VWA8: variants seen among roughly 807,000 people sequenced by gnomAD.
VWA8 encodes the protein von Willebrand factor A domain-containing protein 8.
In VWA8, 221 loss-of-function variants were observed where a neutral mutation model predicts 241.5. The observed-to-expected ratio is 0.91, with a 90% CI of 0.82 to 1.02. The LOEUF (loss-of-function observed/expected upper bound fraction) is 1.02, where lower values mean the gene tolerates loss of function less well. Ranked by LOEUF, VWA8 falls within the 50% of genes least tolerant of loss-of-function variation. The pLI is 0.00. For synonymous variants in VWA8, 852 were observed against 827.1 expected (o/e 1.03, Z -0.52); for missense variants, 2,322 against 2,328.7 (o/e 1.00, Z 0.06).
In VWA8 at chr13:41,614,975, C is replaced by A; in HGVS notation, c.4720+1G>T. 1 of 1,612,926 alleles carries A rather than the reference C, an allele frequency of 6.2e-7. No individual in the cohort carries two copies. The highest frequency in any genetic ancestry group is 8.5e-7 in the Non-Finnish European group (1 of 1,179,910). On this transcript the variant is annotated splice_donor_variant, in intron 38 of 44. Coordinates refer to ENST00000379310, the MANE Select transcript of VWA8 (RefSeq NM_015058.2). LOFTEE classifies it high-confidence loss of function. ...CTCAGGAGAATGCCTGTGCTACCAA[C>A]CTGTTCCGCCAGCCCAAGTGTTGCC...
In VWA8 at chr13:41,883,382, C is replaced by G. The variant is rs1312374131; in HGVS notation, c.1080+5G>C. 2 of 1,602,872 alleles carry G rather than the reference C, an allele frequency of 1.2e-6. No individual in the cohort carries two copies. Among genetic ancestry groups the G allele is most frequent in the Admixed American group, 1.7e-5 (1 of 59,872 alleles). On this transcript the variant is annotated splice_donor_5th_base_variant and intron_variant, in intron 9 of 44. Transcript: ENST00000379310. ...GAAAGGAAAGAAAGGGAAGCAGACA[C>G]TCACCTTTAAAACACCTTCCACAGC...
At chr13:41,923,923 G>C (rs1876692210) in intron 2 of VWA8, among the ~76,000 whole-genome samples, 1 of 152,090 alleles carries the variant, frequency 6.6e-6, no homozygotes, top group South Asian at 2.1e-4. Flanking sequence ...TGTAAAGTTT[G>C]GAAGAGGTGA....
intron 35 of VWA8, among the ~76,000 whole-genome samples, chr13:41,681,905 G>C (rs2045102280): frequency 6.6e-6 from 1 of 152,150 alleles, no homozygotes; most frequent in African/African-American, 2.4e-5. Context: ...GAAGAATTTT[G>C]TAAATTCAAA....
At chr13:41,573,463 T>G (rs1392646291) in intron 43 of VWA8, among the ~76,000 whole-genome samples, 1 of 113,778 alleles carries the variant, frequency 8.8e-6, no homozygotes, top group African/African-American at 4.3e-5. Flanking sequence ...CACAACAGGG[T>G]GGCTATAGTT....
intron 40 of VWA8, among the ~76,000 whole-genome samples, chr13:41,597,718 C>T (rs1476955979): frequency 6.6e-6 from 1 of 151,654 alleles, no homozygotes; most frequent in African/African-American, 2.4e-5. Context: ...ACATAACAGG[C>T]ATCTTATACT....
Position 41,570,964 on chromosome 13 carries a change from A to G in VWA8, c.5371-258T>C, listed in dbSNP as rs541265805. 3.5e-4 allele frequency among the ~76,000 whole-genome samples: 54 copies of G among 152,334 alleles called. 1 individual carries two copies. In the South Asian group the frequency reaches 0.011, roughly 31 times the overall value. ...CAGTGGGCACTTAGTTTTAAGTGGA[A>G]GCTTGCACTTCCACTTAAAGTGAGA... On this transcript the variant is annotated intron_variant, in intron 43 of 44. Transcript: ENST00000379310.
chr13:41,615,158 T>A, intron 37 of VWA8, 74 bp from the exon 38 acceptor site: 1 of 1,463,058 alleles, frequency 6.8e-7, no homozygotes, highest in Non-Finnish European at 9.4e-7. Context: ...AAAAAAAAAT[T>A]ATTTTCTCCT....
At position 41,577,749 on chromosome 13, in the gene VWA8, C is replaced by T. The variant is rs959959337; in HGVS notation, c.5272-1911G>A. 3.3e-5 allele frequency among the ~76,000 whole-genome samples: 5 copies of T among 152,300 alleles called. No homozygotes were observed. In the South Asian group the frequency reaches 6.2e-4, roughly 19 times the overall value. Reference sequence around the variant, plus strand: ...AGGGAATAAGATCAGTTCCCTGACACGGAACTAGGTTTCTTATATTGGGCT... The same window carrying T: ...AGGGAATAAGATCAGTTCCCTGACATGGAACTAGGTTTCTTATATTGGGCT... On this transcript the variant is annotated intron_variant, in intron 42 of 44. Coordinates refer to ENST00000379310, the MANE Select transcript of VWA8 (RefSeq NM_015058.2).
chr13:41,728,272 G>A (rs973753101), intron 23 of VWA8, among the ~76,000 whole-genome samples: 6 of 152,024 alleles, frequency 3.9e-5, no homozygotes, highest in African/African-American at 1.4e-4. Flanking sequence ...ACAAGGGTAT[G>A]TGGCTACAGG....
chr13:41,898,902 C>G (rs1049595376), intron 4 of VWA8, among the ~76,000 whole-genome samples: 2 of 80 alleles, frequency 0.025, no homozygotes, highest in East Asian at 0.5. Flanking sequence ...CACGCCCACC[C>G]GGAACTCCAA....
chr13:41,663,871 G>A (rs1190064333), intron 37 of VWA8, among the ~76,000 whole-genome samples: 3 of 151,570 alleles, frequency 2.0e-5, no homozygotes, highest in African/African-American at 7.2e-5. Context: ...GTCGGGGACT[G>A]TCTGTATAGT....
At chr13:41,696,185 A>G (rs1246323007) in intron 29 of VWA8, 2 of 152,236 alleles carry the variant, frequency 1.3e-5, no homozygotes, top group Non-Finnish European at 2.9e-5. Context: ...TTTATAAACA[A>G]TATCTGGATG....
At chr13:41,846,860 A>T (rs1432043581) in intron 12 of VWA8, among the ~76,000 whole-genome samples, 1 of 152,036 alleles carries the variant, frequency 6.6e-6, no homozygotes, top group Non-Finnish European at 1.5e-5. Flanking sequence ...AACATGGTGA[A>T]ACCCCATCTC....
intron 36 of VWA8, among the ~76,000 whole-genome samples, chr13:41,673,999 T>C (rs2045043199): frequency 6.6e-6 from 1 of 152,236 alleles, no homozygotes; most frequent in Admixed American, 6.5e-5. Flanking sequence ...CTTTTGTTAC[T>C]TGAATTAGTA....
At chr13:41,872,060 T>A (rs1481414099) in intron 9 of VWA8, among the ~76,000 whole-genome samples, 1 of 152,258 alleles carries the variant, frequency 6.6e-6, no homozygotes, top group African/African-American at 2.4e-5. Context: ...TGGCCAGTGA[T>A]GATGAGCATT....
chr13:41,821,396 A>C (rs1437579038), intron 14 of VWA8, among the ~76,000 whole-genome samples: 1 of 152,138 alleles, frequency 6.6e-6, no homozygotes, highest in Admixed American at 6.5e-5. Context: ...GGTTCTCCCT[A>C]AAGGCTTCCT....
chr13:41,652,394 C>A (rs887150400), intron 37 of VWA8, among the ~76,000 whole-genome samples: 14 of 152,144 alleles, frequency 9.2e-5, no homozygotes, highest in African/African-American at 3.1e-4. Context: ...TTACTCCCAA[C>A]CTCAGAATGG....
At chr13:41,833,569 G>A (rs377469832) in intron 12 of VWA8, 38 bp from the exon 13 acceptor site, 287 of 1,540,412 alleles carry the variant, frequency 1.9e-4, no homozygotes, top group Non-Finnish European at 2.3e-4. Context: ...AGAACATGAC[G>A]AATTAATTTT....
intron 21 of VWA8, among the ~76,000 whole-genome samples, chr13:41,747,587 TA>T (rs2045618521): frequency 6.6e-6 from 1 of 152,188 alleles, no homozygotes; most frequent in Admixed American, 6.5e-5. Context: ...GAATACCCTT[TA>T]TTTCCTTCTC....
Sources: gnomAD v4.1 joint callset for allele counts (sites outside exome capture counted in the v4.1 genomes callset) on GRCh38, gnomAD v4.1.1 for gene constraint, MANE v1.5 for transcripts, NCBI Gene and HGNC (gene_info 2026-07-23, HGNC 2026-07-21) for gene names.